The following TENM2 variants were observed in gnomAD, a reference collection of about 807,000 sequenced individuals.
TENM2 encodes teneurin transmembrane protein 2.
A neutral mutation model predicts 245.2 loss-of-function variants in TENM2; 52 were observed. The ratio of observed to expected loss-of-function variants is 0.21; its 90% CI spans 0.17 to 0.27. The LOEUF (loss-of-function observed/expected upper bound fraction) is 0.27, where lower values mean the gene tolerates loss of function less well. TENM2 is among the 10% of genes least tolerant of loss of function. TENM2 has a pLI of 1.00. For synonymous variants in TENM2, 1,363 were observed against 1,438.9 expected, an observed-to-expected ratio of 0.95 and a Z score of 1.19; for missense variants, 3,046 against 3,666.8, an observed-to-expected ratio of 0.83 and a Z score of 4.37.
upstream of TENM2, among the ~76,000 whole-genome samples, chr5:167,281,511 T>C (rs1331520509): frequency 6.6e-6 from 1 of 152,168 alleles, no homozygotes; most frequent in Non-Finnish European, 1.5e-5. Context: ...ATTTAGTTTC[T>C]CTGACTGAGA....
chr5:167,924,688 T>G (rs1777617419), intron 3 of TENM2, among the ~76,000 whole-genome samples: 1 of 152,082 alleles, frequency 6.6e-6, no homozygotes, highest in African/African-American at 2.4e-5. Flanking sequence ...CTGGAGAGCT[T>G]GAGATTGCAC....
chr5:167,735,807 CA>C (rs1268351261), intron 2 of TENM2, among the ~76,000 whole-genome samples: 2 of 150,794 alleles, frequency 1.3e-5, no homozygotes, highest in Non-Finnish European at 3.0e-5. Flanking sequence ...CCCTGTCTCA[CA>C]AAAAGAAAAA....
At chr5:168,206,393 C>T (rs984748001) in intron 19 of TENM2, among the ~76,000 whole-genome samples, 1 of 152,164 alleles carries the variant, frequency 6.6e-6, no homozygotes, top group African/African-American at 2.4e-5. Flanking sequence ...CTGGGCTCTG[C>T]GGTACAGAAG....
the TENM2 span, among the ~76,000 whole-genome samples, chr5:167,069,018 CT>C: frequency 6.6e-6 from 1 of 152,098 alleles, no homozygotes; most frequent in Non-Finnish European, 1.5e-5. Flanking sequence ...TGGAATGAAA[CT>C]CATATGCTCG....
intron 4 of TENM2, among the ~76,000 whole-genome samples, chr5:167,955,850 A>G (rs1780510300): frequency 6.6e-6 from 1 of 152,140 alleles, no homozygotes; most frequent in Non-Finnish European, 1.5e-5. Flanking sequence ...TACCAGTACC[A>G]TGCTGTTTTG....
intron 2 of TENM2, among the ~76,000 whole-genome samples, chr5:167,418,443 G>A (rs546253793): frequency 5.3e-5 from 8 of 151,918 alleles, no homozygotes; most frequent in African/African-American, 1.9e-4. Flanking sequence ...GTTCCTCTTT[G>A]TCAGGGTGAC....
chr5:168,109,314 C>T (rs929070208), intron 9 of TENM2, among the ~76,000 whole-genome samples: 11 of 152,164 alleles, frequency 7.2e-5, no homozygotes, highest in East Asian at 3.8e-4. Context: ...GATAAAATAG[C>T]GTAAGAAGAA....
chr5:167,350,447 A>G lies in TENM2; in HGVS notation c.227-24751A>G, dbSNP rs866901446. 2.5e-4 allele frequency among the ~76,000 whole-genome samples: 30 copies of G among 122,326 alleles called. No individual in the cohort carries two copies. The South Asian group carries it at 2.8e-3, about 11-fold the overall frequency. The allele number at this position is 122,326 out of a possible 152,430, so 80.3% of individuals were successfully genotyped here. A position where few individuals can be genotyped will look rare whatever the true frequency, so the allele number is the denominator to read the frequency against. On this transcript the variant is annotated intron_variant, in intron 1 of 28. Coordinates refer to ENST00000518659, the Ensembl canonical transcript of TENM2. ...TGTGTGTGTGTGTGTGTGTGTGTGT[A>G]TGTATGTCCCATATATATGGGGTAT...
chr5:167,578,806 C>T (rs1446912022), intron 2 of TENM2, among the ~76,000 whole-genome samples: 1 of 152,180 alleles, frequency 6.6e-6, no homozygotes, highest in Non-Finnish European at 1.5e-5. Flanking sequence ...ATTTGACTGA[C>T]AAGCTCAGCT....
chr5:167,778,421 T>TA (rs561337741), intron 2 of TENM2, among the ~76,000 whole-genome samples: 159 of 152,222 alleles, frequency 1.0e-3, no homozygotes, highest in Admixed American at 2.8e-3. Context: ...ACAGGACAAA[T>TA]ACAGAGCATG....
chr5:167,548,507 C>G (rs1244093739), intron 2 of TENM2, among the ~76,000 whole-genome samples: 2 of 151,934 alleles, frequency 1.3e-5, no homozygotes, highest in Non-Finnish European at 2.9e-5. Flanking sequence ...ATGAAATCAC[C>G]TGGGGACAGT....
intron 3 of TENM2, among the ~76,000 whole-genome samples, chr5:167,907,819 AGAT>A (rs1259987963): frequency 3.3e-5 from 5 of 151,946 alleles, no homozygotes; most frequent in Non-Finnish European, 7.4e-5. Context: ...CCCACCACAG[AGAT>A]AAAAGTTCCA....
At chr5:167,880,155 C>T (rs1279608132) in intron 3 of TENM2, among the ~76,000 whole-genome samples, 3 of 152,082 alleles carry the variant, frequency 2.0e-5, no homozygotes, top group African/African-American at 7.2e-5. Context: ...GCCTCAGCCT[C>T]CCTAGTAGCT....
the TENM2 span, among the ~76,000 whole-genome samples, chr5:167,114,914 A>T: frequency 2.6e-5 from 4 of 152,226 alleles, no homozygotes; most frequent in Non-Finnish European, 5.9e-5. Flanking sequence ...GTGGCAGTGG[A>T]GAAGGGGATA....
chr5:167,486,833 C>T (rs554760442), intron 2 of TENM2, among the ~76,000 whole-genome samples: 3 of 152,104 alleles, frequency 2.0e-5, no homozygotes, highest in South Asian at 4.2e-4. Context: ...GAGCTTTAAT[C>T]GAAGGACCAA....
chr5:167,052,733 A>G, the TENM2 span, among the ~76,000 whole-genome samples: 1 of 152,128 alleles, frequency 6.6e-6, no homozygotes, highest in Non-Finnish European at 1.5e-5. Context: ...CGATATATGT[A>G]AAGTTTACAT....
At chr5:168,174,076 G>A (rs1228738559) in intron 13 of TENM2, among the ~76,000 whole-genome samples, 1 of 152,146 alleles carries the variant, frequency 6.6e-6, no homozygotes, top group Non-Finnish European at 1.5e-5. Context: ...CATCATATTT[G>A]TTTGTGCCTC....
intron 5 of TENM2, among the ~76,000 whole-genome samples, chr5:168,028,969 C>A (rs1181030907): frequency 6.6e-6 from 1 of 152,064 alleles, no homozygotes; most frequent in African/African-American, 2.4e-5. Flanking sequence ...AGGGATAAAC[C>A]CTCTCTTAAT....
intron 1 of TENM2, among the ~76,000 whole-genome samples, chr5:167,319,264 G>A (rs970296976): frequency 6.6e-6 from 1 of 152,134 alleles, no homozygotes; most frequent in African/African-American, 2.4e-5. Flanking sequence ...TTAGTTATAT[G>A]ACCTTGAGCA....
Sources: gnomAD v4.1 joint callset for allele counts (sites outside exome capture counted in the v4.1 genomes callset) on GRCh38, gnomAD v4.1.1 for gene constraint, MANE v1.5 for transcripts, NCBI Gene and HGNC (gene_info 2026-07-23, HGNC 2026-07-21) for gene names.